The following SH3RF3 variants were observed in gnomAD, a reference collection of about 807,000 sequenced individuals.
The protein encoded by SH3RF3 is SH3 domain containing ring finger 3, also known as E3 ubiquitin-protein ligase SH3RF3.
Under a neutral mutation model 66.3 loss-of-function variants are expected in SH3RF3, and 29 were observed. The observed-to-expected ratio is 0.44, with a 90% CI of 0.33 to 0.60. SH3RF3 has a LOEUF of 0.60. Ranked by LOEUF, SH3RF3 falls within the 20% of genes least tolerant of loss-of-function variation. The pLI is 0.04. For synonymous variants in SH3RF3, 583 were observed against 532.0 expected, an observed-to-expected ratio of 1.10 and a Z score of -1.32; for missense variants, 1,194 against 1,190.9, an observed-to-expected ratio of 1.00 and a Z score of -0.04.
intron 1 of SH3RF3, among the ~76,000 whole-genome samples, chr2:109,319,953 G>A (rs889147505): frequency 6.6e-6 from 1 of 152,248 alleles, no homozygotes; most frequent in African/African-American, 2.4e-5. Flanking sequence ...GAGCTGCTGT[G>A]AGAAGTAAGA....
chr2:109,283,992 A>G (rs1462401882), intron 1 of SH3RF3, among the ~76,000 whole-genome samples: 2 of 152,084 alleles, frequency 1.3e-5, no homozygotes, highest in Admixed American at 6.5e-5. Flanking sequence ...GTGTTTTTCC[A>G]GGAGAGCTTG....
chr2:109,295,436 C>A (rs1681285549), intron 1 of SH3RF3, among the ~76,000 whole-genome samples: 2 of 152,184 alleles, frequency 1.3e-5, no homozygotes, highest in South Asian at 4.1e-4. Flanking sequence ...AGGGCGGGAG[C>A]CGAGGGGCAC....
intron 1 of SH3RF3, among the ~76,000 whole-genome samples, chr2:109,137,166 G>A (rs1462389861): frequency 1.3e-5 from 2 of 152,204 alleles, no homozygotes; most frequent in African/African-American, 2.4e-5. Flanking sequence ...TATCTGGCAG[G>A]AATTTCTAAT....
At chr2:109,273,385 G>T (rs776024924) in intron 1 of SH3RF3, among the ~76,000 whole-genome samples, 6 of 152,218 alleles carry the variant, frequency 3.9e-5, no homozygotes, top group East Asian at 1.9e-4. Flanking sequence ...GCATGGATGA[G>T]GGGGGAGGCA....
At chr2:109,384,841 C>G (rs979118991) in intron 3 of SH3RF3, among the ~76,000 whole-genome samples, 1 of 152,316 alleles carries the variant, frequency 6.6e-6, no homozygotes, top group Admixed American at 6.5e-5. Flanking sequence ...AACTCCAACC[C>G]GATGGTTCCC....
intron 1 of SH3RF3, among the ~76,000 whole-genome samples, chr2:109,149,293 T>G (rs757642266): frequency 6.6e-6 from 1 of 152,232 alleles, no homozygotes; most frequent in Non-Finnish European, 1.5e-5. Flanking sequence ...GGGAGATCCA[T>G]TGGCTTAGAG....
At chr2:109,134,793 C>T (rs984707810) in intron 1 of SH3RF3, among the ~76,000 whole-genome samples, 1 of 152,212 alleles carries the variant, frequency 6.6e-6, no homozygotes, top group South Asian at 2.1e-4. Flanking sequence ...ATTCACCGTG[C>T]CTCACGGCTG....
intron 1 of SH3RF3, among the ~76,000 whole-genome samples, chr2:109,252,471 T>C (rs1030047019): frequency 7.9e-5 from 12 of 152,172 alleles, no homozygotes; most frequent in African/African-American, 2.9e-4. Context: ...TTTAGCTTTA[T>C]CATGGGTTGA....
chr2:109,318,662 C>T (rs116576987), intron 1 of SH3RF3, among the ~76,000 whole-genome samples: 1 of 152,084 alleles, frequency 6.6e-6, no homozygotes. Context: ...GATCAGAGTC[C>T]TAGGGAAGCC....
chr2:109,361,663 A>T (rs1249049486), intron 2 of SH3RF3, among the ~76,000 whole-genome samples: 1 of 152,122 alleles, frequency 6.6e-6, no homozygotes, highest in Non-Finnish European at 1.5e-5. Flanking sequence ...TTTAGTAGAG[A>T]TGGGGTTTCA....
At chr2:109,419,069 C>T (rs999053240) in intron 4 of SH3RF3, among the ~76,000 whole-genome samples, 1 of 152,186 alleles carries the variant, frequency 6.6e-6, no homozygotes, top group Admixed American at 6.5e-5. Context: ...CTGTGACTCC[C>T]GGTCCTCTTG....
At chr2:109,162,338 G>A (rs1486910942) in intron 1 of SH3RF3, among the ~76,000 whole-genome samples, 1 of 152,204 alleles carries the variant, frequency 6.6e-6, no homozygotes, top group East Asian at 1.9e-4. Flanking sequence ...TGACACGTAA[G>A]CCCTCAGAGA....
chr2:109,145,378 G>A (rs146179548), intron 1 of SH3RF3, among the ~76,000 whole-genome samples: 1 of 152,148 alleles, frequency 6.6e-6, no homozygotes, highest in African/African-American at 2.4e-5. Flanking sequence ...TGTGAGCCCT[G>A]CCCCTCTCTT....
chr2:109,255,757 T>C (rs1209404436), intron 1 of SH3RF3, among the ~76,000 whole-genome samples: 1 of 152,254 alleles, frequency 6.6e-6, no homozygotes, highest in Non-Finnish European at 1.5e-5. Flanking sequence ...GAATCTCTGC[T>C]GAATCTCAGC....
intron 1 of SH3RF3, among the ~76,000 whole-genome samples, chr2:109,255,140 G>C (rs1019062676): frequency 2.6e-5 from 4 of 152,194 alleles, no homozygotes; most frequent in Admixed American, 6.5e-5. Context: ...GTGTGTCTGT[G>C]TGTGTACATG....
At chr2:109,357,414 C>T (rs945364227) in intron 2 of SH3RF3, among the ~76,000 whole-genome samples, 4 of 152,186 alleles carry the variant, frequency 2.6e-5, no homozygotes, top group Non-Finnish European at 2.9e-5. Context: ...ATCTCCTGAC[C>T]TCGTGATCCA....
chr2:109,391,027 GC>G (rs1317981662), intron 3 of SH3RF3, among the ~76,000 whole-genome samples: 4 of 152,240 alleles, frequency 2.6e-5, no homozygotes, highest in African/African-American at 9.6e-5. Context: ...GGTGCCACCT[GC>G]CTCTCATGGG....
intron 1 of SH3RF3, among the ~76,000 whole-genome samples, chr2:109,296,133 G>A (rs1383369501): frequency 6.6e-6 from 1 of 152,040 alleles, no homozygotes; most frequent in Non-Finnish European, 1.5e-5. Flanking sequence ...ACGTCTGTGC[G>A]CAGCCCCCAA....
intron 1 of SH3RF3, among the ~76,000 whole-genome samples, chr2:109,339,714 C>G (rs1264069178): frequency 6.6e-6 from 1 of 152,172 alleles, no homozygotes; most frequent in Non-Finnish European, 1.5e-5. Flanking sequence ...TACCCATTAT[C>G]AGAACATGCC....
Sources: allele counts gnomAD v4.1 joint callset (sites outside exome capture counted in the v4.1 genomes callset), GRCh38; gene constraint gnomAD v4.1.1; transcripts MANE v1.5; gene names NCBI Gene and HGNC (gene_info 2026-07-23, HGNC 2026-07-21).